Variants in EHMT2 observed in about 807,000 individuals in gnomAD.
The protein encoded by EHMT2 is euchromatic histone lysine methyltransferase 2, also known as histone-lysine N-methyltransferase EHMT2.
EHMT2 carries 59 observed loss-of-function variants against 143.3 expected under a neutral mutation model. The observed-to-expected ratio is 0.41, with a 90% CI of 0.33 to 0.51. EHMT2 has a LOEUF of 0.51. Ranked by LOEUF, EHMT2 falls within the 20% of genes least tolerant of loss-of-function variation. The pLI is 0.18. For missense variants in EHMT2, 1,174 were observed against 1,645.9 expected (o/e 0.71, Z 4.96); for synonymous variants, 604 against 651.5 (o/e 0.93, Z 1.11).
chr6:31,887,628 A>G, exon 15 of EHMT2: 1 of 1,613,032 alleles, frequency 6.2e-7, no homozygotes, highest in Non-Finnish European at 8.5e-7. Context: ...GACAGGTACA[A>G]CTGCCGAGGG....
At position 31,880,059 on chromosome 6, in the gene EHMT2, T is replaced by C. The variant is rs774884667; in HGVS notation, c.*25A>G. The C allele has an allele frequency of 6.2e-7, 1 of 1,603,254 alleles. No homozygotes were observed. Among genetic ancestry groups the C allele is most frequent in the Non-Finnish European group, 8.5e-7 (1 of 1,173,614 alleles). On this transcript the variant is annotated 3_prime_UTR_variant, in exon 28 of 28. Transcript: ENST00000375537. The surrounding 1 kb of genome is among the most constrained non-coding windows in gnomAD (Gnocchi z 6.6). ...GCGGCTGAGCTGTGGCCATCCATGCTGGGGAGAGAGGGTGTGGTCCGTTCT... is the reference window on the plus strand; with the variant it reads ...GCGGCTGAGCTGTGGCCATCCATGCCGGGGAGAGAGGGTGTGGTCCGTTCT...
rs774274299 is a variant in EHMT2 at position 31,897,117 on chromosome 6, C to A, written c.43-128G>T. 4.2e-6 allele frequency: 6 copies of A among 1,415,462 alleles called. No homozygotes were observed. The African/African-American group carries it at 4.5e-5, about 11-fold the overall frequency. The allele number at this position is 1,415,462 out of a possible 1,614,324, so 87.7% of individuals were successfully genotyped here. On this transcript the variant is annotated intron_variant, in intron 1 of 27. Coordinates refer to ENST00000375537, the Ensembl canonical transcript of EHMT2. ...ACCTCTTCCTCTGTGGGGCCCCCCCCTTCCGCGGCCTCGGCTGCCCGGAGG... is the reference window on the plus strand; with the variant it reads ...ACCTCTTCCTCTGTGGGGCCCCCCCATTCCGCGGCCTCGGCTGCCCGGAGG...
chr6:31,887,922 G>C, exon 14 of EHMT2: 1 of 1,603,806 alleles, frequency 6.2e-7, no homozygotes, highest in Non-Finnish European at 8.5e-7. Flanking sequence ...GGGGATCGCA[G>C]GGCGGGCGCC....
Position 31,880,537 on chromosome 6 carries a change from T to C in EHMT2, c.3452+136A>G. 1.0e-6 allele frequency: 1 copy of C among 1,004,054 alleles called. No individual in the cohort carries two copies. Among genetic ancestry groups the C allele is most frequent in the Non-Finnish European group, 1.4e-6 (1 of 693,620 alleles). 62.2% of individuals were successfully genotyped at this position (1,004,054 alleles called of 1,614,324 possible). A position where few individuals can be genotyped will look rare whatever the true frequency, so the allele number is the denominator to read the frequency against. On this transcript the variant is annotated intron_variant, in intron 27 of 27. Coordinates refer to ENST00000375537, the Ensembl canonical transcript of EHMT2. This position sits in a 1 kb window ranked among gnomAD's most constrained non-coding sequence, Gnocchi z 6.6. ...CTGTTTCCCCAAGTCCTCCAGGAAATACTTATGTACACTGAAATCTGAGAA... is the reference window on the plus strand; with the variant it reads ...CTGTTTCCCCAAGTCCTCCAGGAAACACTTATGTACACTGAAATCTGAGAA...
At chr6:31,893,248 C>T (rs191533785) in intron 4 of EHMT2, 129 of 498,404 alleles carry the variant, frequency 2.6e-4, no homozygotes, top group African/African-American at 2.4e-3. Context: ...AACTCAAGTG[C>T]CACTGACAGA....
chr6:31,884,063 G>A lies in EHMT2; in HGVS notation c.2772-113C>T, dbSNP rs1026955754. ...CTGGGGCTGGGGGCAGGGGAGTAAG[G>A]TTGCCAGGTAAGATGCAGGACAGCG... On this transcript the variant is annotated intron_variant, in intron 21 of 27. Transcript: ENST00000375537. This position sits in a 1 kb window ranked among gnomAD's most constrained non-coding sequence, Gnocchi z 7.3. 9 of 1,253,482 alleles carry A rather than the reference G, an allele frequency of 7.2e-6. No individual in the cohort carries two copies. Among genetic ancestry groups the A allele is most frequent in the Non-Finnish European group, 9.8e-6 (9 of 917,720 alleles). The allele number at this position is 1,253,482 out of a possible 1,614,324, so 77.6% of individuals were successfully genotyped here.
rs778034303 is a variant in EHMT2, at chr6:31,888,334, G to A, written c.1509+29C>T. On this transcript the variant is annotated intron_variant, in intron 12 of 27. Coordinates refer to ENST00000375537, the Ensembl canonical transcript of EHMT2. The surrounding 1 kb of genome is among the most constrained non-coding windows in gnomAD (Gnocchi z 7.4). ...TGGGGCCCCCTCTGCCACAGGGCATGCTACCTGTCTGCCCCACTGGTCACT... is the reference window on the plus strand; with the variant it reads ...TGGGGCCCCCTCTGCCACAGGGCATACTACCTGTCTGCCCCACTGGTCACT... 5 of 1,611,904 alleles carry A rather than the reference G, an allele frequency of 3.1e-6. No individual in the cohort carries two copies. The highest frequency in any genetic ancestry group is 1.7e-6 in the Non-Finnish European group (2 of 1,179,336).
intron 7 of EHMT2, among the ~76,000 whole-genome samples, chr6:31,890,891 A>C (rs1398545467): frequency 1.3e-5 from 2 of 150,594 alleles, no homozygotes; most frequent in East Asian, 2.0e-4. Flanking sequence ...CAAACAAACA[A>C]ACACAAAGAA....
chr6:31,880,575 T>C lies in EHMT2; in HGVS notation c.3452+98A>G. 6 of 1,321,454 alleles carry C rather than the reference T, an allele frequency of 4.5e-6. No homozygotes were observed. Among genetic ancestry groups the C allele is most frequent in the Non-Finnish European group, 6.4e-6 (6 of 939,206 alleles). 81.9% of individuals were successfully genotyped at this position (1,321,454 alleles called of 1,614,324 possible). ...TGAAATCTGAGAAGCTCTGCACTACTCCATGCCTGGACACCAGGTACATGC... is the reference window on the plus strand; with the variant it reads ...TGAAATCTGAGAAGCTCTGCACTACCCCATGCCTGGACACCAGGTACATGC... On this transcript the variant is annotated intron_variant, in intron 27 of 27. Transcript: ENST00000375537. The surrounding 1 kb of genome is among the most constrained non-coding windows in gnomAD (Gnocchi z 6.6).
In EHMT2 at chr6:31,889,443, G is replaced by A; in HGVS notation, c.999+25C>T. On this transcript the variant is annotated intron_variant, in intron 8 of 27. Coordinates refer to ENST00000375537, the Ensembl canonical transcript of EHMT2. This position sits in a 1 kb window ranked among gnomAD's most constrained non-coding sequence, Gnocchi z 5.1. ...CAGCCCCATAGTCTCCCACTCCTCTGGAGATATCAGCCTCCGTCTCTTACC... is the reference window on the plus strand; with the variant it reads ...CAGCCCCATAGTCTCCCACTCCTCTAGAGATATCAGCCTCCGTCTCTTACC... The A allele has an allele frequency of 6.2e-7, 1 of 1,611,744 alleles. No homozygotes were observed. The highest frequency in any genetic ancestry group is 8.5e-7 in the Non-Finnish European group (1 of 1,179,386).
Position 31,883,437 on chromosome 6 carries a change from G to A in EHMT2, c.2919C>T (p.His973=), listed in dbSNP as rs774719350. ...TAGAGCAGTCGTCCACACACGTGCA[G>A]TGCTGGGGCGAGGAGGCAGAGGTCA... The change falls in exon 23 of 28, where the codon CAC becomes CAT. Residue 973 remains histidine (H), a splice_region_variant and synonymous_variant. Coordinates refer to ENST00000375537, the Ensembl canonical transcript of EHMT2. This position sits in a 1 kb window ranked among gnomAD's most constrained non-coding sequence, Gnocchi z 5.6. 2 of 1,612,136 alleles carry A rather than the reference G, an allele frequency of 1.2e-6. No individual in the cohort carries two copies. The highest frequency in any genetic ancestry group is 1.7e-6 in the Non-Finnish European group (2 of 1,179,672).
chr6:31,896,496 G>C (rs1397482861), exon 4 of EHMT2: 1 of 1,612,900 alleles, frequency 6.2e-7, no homozygotes, highest in Non-Finnish European at 8.5e-7. Flanking sequence ...GGGGAAGAGG[G>C]GAATGACTTT....
In EHMT2 at chr6:31,889,525, CTCT is replaced by C. The variant is rs1765409560; in HGVS notation, c.939_941del (p.Glu323del). 2 of 1,611,768 alleles carry C rather than the reference CTCT, an allele frequency of 1.2e-6. No homozygotes were observed. The highest frequency in any genetic ancestry group is 8.5e-7 in the Non-Finnish European group (1 of 1,179,378). On this transcript the variant is annotated inframe_deletion, in exon 8 of 28. Transcript: ENST00000375537. The surrounding 1 kb of genome is among the most constrained non-coding windows in gnomAD (Gnocchi z 5.1). ...CCTCTTCTTCTTCCTCTTCCTCCTC[CTCT>C]TCCTCTTCTTCTTCTTCCTCCTCTT...
chr6:31,895,291 T>C (rs1032627023), intron 4 of EHMT2: 2 of 152,226 alleles, frequency 1.3e-5, no homozygotes, highest in African/African-American at 2.4e-5. Flanking sequence ...AGCAGATCAA[T>C]AGCTTGTTAT....
At chr6:31,892,284 CTTAGTGGATA>C in intron 7 of EHMT2, 113 bp downstream of exon 7, 3 of 1,138,138 alleles carry the variant, frequency 2.6e-6, no homozygotes, top group Non-Finnish European at 3.7e-6. Context: ...GGGGCAATGA[CTTAGTGGATA>C]TTCAGAAGAT....
chr6:31,895,073 T>A (rs955949510), intron 4 of EHMT2, among the ~76,000 whole-genome samples: 4 of 152,262 alleles, frequency 2.6e-5, no homozygotes, highest in African/African-American at 9.6e-5. Flanking sequence ...AAATTAATGT[T>A]TATCATAGTG....
chr6:31,887,757 G>A, intron 14 of EHMT2, 22 bp downstream of exon 14: 2 of 1,600,500 alleles, frequency 1.2e-6, no homozygotes, highest in South Asian at 1.1e-5. Flanking sequence ...CAGTTGCTGT[G>A]CCTGAGCAAC....
chr6:31,887,860 C>T (rs765545613), exon 14 of EHMT2: 4 of 1,611,476 alleles, frequency 2.5e-6, no homozygotes, highest in Non-Finnish European at 3.4e-6. Context: ...TGAAAGGCAG[C>T]CCCCATTGGG....
At chr6:31,891,043 A>G (rs1456508813) in intron 7 of EHMT2, among the ~76,000 whole-genome samples, 1 of 151,718 alleles carries the variant, frequency 6.6e-6, no homozygotes, top group East Asian at 2.0e-4. Context: ...CCCAGGTTCA[A>G]GCGATTCTCC....
Sources: gnomAD v4.1 joint callset for allele counts (sites outside exome capture counted in the v4.1 genomes callset) on GRCh38, gnomAD v4.1.1 for gene constraint, Gnocchi (gnomAD v3.1) non-coding constraint, MANE v1.5 for transcripts, NCBI Gene and HGNC (gene_info 2026-07-23, HGNC 2026-07-21) for gene names.